Variants in ADGRL2 observed in about 807,000 individuals in gnomAD.
ADGRL2 encodes calcium-independent alpha-latrotoxin receptor 2.
ADGRL2 carries 44 observed loss-of-function variants against 157.4 expected under a neutral mutation model. That is an observed-to-expected ratio of 0.28 (90% confidence interval 0.22 to 0.36). The LOEUF is 0.36. ADGRL2 is among the 10% of genes least tolerant of loss of function. The probability of loss-of-function intolerance (pLI) is 1.00; values close to 1 mark genes in which losing one functional copy is unlikely to be tolerated. For synonymous variants in ADGRL2, 585 were observed against 624.7 expected (o/e 0.94, Z 0.95); for missense variants, 1,510 against 1,768.9 (o/e 0.85, Z 2.63).
chr1:81,437,302 C>G (rs760513487), intron 1 of ADGRL2, among the ~76,000 whole-genome samples: 1 of 151,932 alleles, frequency 6.6e-6, no homozygotes, highest in South Asian at 2.1e-4. Flanking sequence ...AAAAGGAAAG[C>G]TTTTTTTTAC....
At chr1:81,754,850 A>G (rs923340139) in intron 1 of ADGRL2, among the ~76,000 whole-genome samples, 6 of 151,854 alleles carry the variant, frequency 4.0e-5, no homozygotes, top group Non-Finnish European at 8.8e-5. Flanking sequence ...TGGAGGTAAT[A>G]ATAACACCCA....
At chr1:81,800,807 T>G (rs1265030242), upstream of ADGRL2, among the ~76,000 whole-genome samples, 2 of 137,238 alleles carry the variant, frequency 1.5e-5, no homozygotes, top group Admixed American at 7.2e-5. Context: ...GTTGAATGGG[T>G]GTGTTAATGG....
rs553351458 is a variant in ADGRL2 at position 81,724,168 on chromosome 1, A to T, written c.-143+24360A>T. ...ATAGAGTAATGGTAGGGTAATACCC[A>T]CAACAACTGTAGTTTCTTACTTGGC... On this transcript the variant is annotated intron_variant, in intron 1 of 20. Transcript: ENST00000359929. Among the ~76,000 whole-genome samples, 80 of 152,276 alleles carry T rather than the reference A, an allele frequency of 5.3e-4. No homozygotes were observed. In the South Asian group the frequency reaches 0.015, roughly 28 times the overall value.
intron 2 of ADGRL2, among the ~76,000 whole-genome samples, chr1:81,524,464 C>T (rs184498250): frequency 3.1e-4 from 47 of 152,256 alleles, no homozygotes; most frequent in African/African-American, 7.5e-4. Flanking sequence ...GGATTATACA[C>T]ATACATGTGA....
chr1:81,365,714 A>G (rs2100945715), intron 1 of ADGRL2, among the ~76,000 whole-genome samples: 1 of 152,336 alleles, frequency 6.6e-6, no homozygotes, highest in South Asian at 2.1e-4. Flanking sequence ...ACTATATTTT[A>G]CTGCCCTGAT....
chr1:81,534,535 A>G (rs1194900928), intron 2 of ADGRL2, among the ~76,000 whole-genome samples: 1 of 152,206 alleles, frequency 6.6e-6, no homozygotes, highest in African/African-American at 2.4e-5. Flanking sequence ...ACTCTCACAC[A>G]TGTTATCTGA....
intron 1 of ADGRL2, among the ~76,000 whole-genome samples, chr1:81,801,868 T>G (rs539734361): frequency 1.3e-5 from 2 of 152,268 alleles, no homozygotes; most frequent in South Asian, 2.1e-4. Flanking sequence ...TTCGCTCTGA[T>G]TCCCGATTTT....
intron 3 of ADGRL2, among the ~76,000 whole-genome samples, chr1:81,591,565 GC>G (rs2081134031): frequency 6.6e-6 from 1 of 152,142 alleles, no homozygotes; most frequent in Admixed American, 6.5e-5. Flanking sequence ...CTCCCAGTAA[GC>G]CTTGCCTTGT....
intron 3 of ADGRL2, among the ~76,000 whole-genome samples, chr1:81,673,451 G>T (rs1370539533): frequency 6.6e-6 from 1 of 150,598 alleles, no homozygotes; most frequent in Non-Finnish European, 1.5e-5. Flanking sequence ...TATATTTGTA[G>T]AGTTATCCTA....
chr1:81,609,289 C>T (rs1324352502), intron 3 of ADGRL2, among the ~76,000 whole-genome samples: 1 of 152,188 alleles, frequency 6.6e-6, no homozygotes, highest in Non-Finnish European at 1.5e-5. Flanking sequence ...ATCCACCCAT[C>T]TTGGCCTCTC....
At chr1:81,436,082 C>T (rs575200165) in intron 1 of ADGRL2, among the ~76,000 whole-genome samples, 6 of 152,088 alleles carry the variant, frequency 3.9e-5, no homozygotes, top group African/African-American at 9.6e-5. Flanking sequence ...GCAATAAGAG[C>T]GAAACTCCAT....
intron 3 of ADGRL2, among the ~76,000 whole-genome samples, chr1:81,622,585 C>CA (rs535293011): frequency 1.1e-4 from 17 of 151,794 alleles, no homozygotes; most frequent in Non-Finnish European, 1.6e-4. Flanking sequence ...CGTCTCAAAA[C>CA]AAAAAAACCT....
intron 3 of ADGRL2, among the ~76,000 whole-genome samples, chr1:81,636,353 T>A (rs1474103308): frequency 1.3e-5 from 2 of 152,194 alleles, no homozygotes; most frequent in East Asian, 3.8e-4. Flanking sequence ...AATTAAATTT[T>A]TATTTTTAAA....
intron 2 of ADGRL2, among the ~76,000 whole-genome samples, chr1:81,522,351 G>A (rs1040834372): frequency 1.2e-4 from 18 of 152,094 alleles, no homozygotes; most frequent in Non-Finnish European, 1.9e-4. Flanking sequence ...TGAAAAAAAG[G>A]GAAAAAAGAA....
chr1:81,468,027 A>T (rs2078096314), intron 2 of ADGRL2, among the ~76,000 whole-genome samples: 1 of 152,184 alleles, frequency 6.6e-6, no homozygotes, highest in Admixed American at 6.5e-5. Context: ...TTAAGACTTG[A>T]AGATTTAAAA....
intron 2 of ADGRL2, among the ~76,000 whole-genome samples, chr1:81,497,221 T>A (rs1022585401): frequency 6.6e-6 from 1 of 152,234 alleles, no homozygotes; most frequent in East Asian, 1.9e-4. Flanking sequence ...TCTAGGTAGC[T>A]GGGTTCACCT....
At chr1:81,460,582 G>A (rs1488036231) in intron 2 of ADGRL2, among the ~76,000 whole-genome samples, 6 of 152,102 alleles carry the variant, frequency 3.9e-5, no homozygotes, top group Non-Finnish European at 8.8e-5. Context: ...CTAGGCCTGA[G>A]TTCAGACATA....
At position 81,900,816 on chromosome 1, in the gene ADGRL2, T is replaced by A. The variant is rs919471901; in HGVS notation, c.74-6201T>A. On this transcript the variant is annotated intron_variant, in intron 2 of 23. Coordinates refer to ENST00000686636, the MANE Select transcript of ADGRL2 (RefSeq NM_001366006.2). ...ACATCAGCAAAGAGTGGAGACTTAA[T>A]AATGGGCCTATGGTTTTTGTGCAAA... 3.3e-5 allele frequency among the ~76,000 whole-genome samples: 5 copies of A among 152,108 alleles called. No homozygotes were observed. The East Asian group carries it at 7.7e-4, about 23-fold the overall frequency.
At chr1:81,661,747 C>G (rs1420240322) in intron 3 of ADGRL2, among the ~76,000 whole-genome samples, 2 of 152,138 alleles carry the variant, frequency 1.3e-5, no homozygotes, top group African/African-American at 4.8e-5. Context: ...GATAGCACTT[C>G]CTTTCACTTG....
Sources: allele counts gnomAD v4.1 joint callset (sites outside exome capture counted in the v4.1 genomes callset), GRCh38; gene constraint gnomAD v4.1.1; transcripts MANE v1.5; gene names NCBI Gene and HGNC (gene_info 2026-07-23, HGNC 2026-07-21).